PRR18: variants seen among roughly 807,000 people sequenced by gnomAD.
The protein encoded by PRR18 is proline rich 18.
For missense variants in PRR18, 517 were observed against 437.4 expected, an observed-to-expected ratio of 1.18 and a Z score of -1.62; for synonymous variants, 228 against 220.2, an observed-to-expected ratio of 1.04 and a Z score of -0.32.
In PRR18 at chr6:166,307,552, T is replaced by A; in HGVS notation, c.591A>T (p.Ala197=). The A allele has an allele frequency of 1.7e-6, 2 of 1,209,332 alleles. No individual in the cohort carries two copies. The highest frequency in any genetic ancestry group is 3.2e-4 in the Middle Eastern group (1 of 3,136). 74.9% of individuals were successfully genotyped at this position (1,209,332 alleles called of 1,614,324 possible). The change falls in exon 1 of 1, where the codon GCA becomes GCT. Residue 197 remains alanine (A), a synonymous_variant. Transcript: ENST00000322583. ...RRGGPASDPD[A]PPTAGQGRRA... is the part of the protein sequence containing the mutation. ...GGCGGCCCTGGCCGGCGGTGGGGGG[T>A]GCGTCGGGGTCGCTGGCGGGGCCGC...
chr6:166,306,777 C>A lies in PRR18; in HGVS notation c.*478G>T, dbSNP rs965208229. 6.4e-6 allele frequency: 1 copy of A among 156,200 alleles called. No individual in the cohort carries two copies. The highest frequency in any genetic ancestry group is 2.1e-4 in the South Asian group (1 of 4,870). The allele number at this position is 156,200 out of a possible 1,614,324, so 9.7% of individuals were successfully genotyped here. On this transcript the variant is annotated 3_prime_UTR_variant, in exon 1 of 1. Transcript: ENST00000322583. Reference sequence around the variant, plus strand: ...CGTCGCGGCCACCCACCTGGGCCATCGCCCACCGCACTGTCCAGGGTGCCC... The same window carrying A: ...CGTCGCGGCCACCCACCTGGGCCATAGCCCACCGCACTGTCCAGGGTGCCC...
Position 166,307,051 on chromosome 6 carries a change from G to C in PRR18, c.*204C>G. On this transcript the variant is annotated 3_prime_UTR_variant, in exon 1 of 1. Transcript: ENST00000322583. ...GTGAACGAGAAAGGCCCGGGCTGCC[G>C]GCTGGCGAGGGCAGGAGGGGGGCCG... 1 of 488,730 alleles carries C rather than the reference G, an allele frequency of 2.0e-6. No homozygotes were observed. The highest frequency in any genetic ancestry group is 3.4e-6 in the Non-Finnish European group (1 of 290,480). 30.3% of individuals were successfully genotyped at this position (488,730 alleles called of 1,614,324 possible).
Position 166,308,201 on chromosome 6 carries a change from T to G in PRR18, c.-59A>C. On this transcript the variant is annotated 5_prime_UTR_variant, in exon 1 of 1. Coordinates refer to ENST00000322583, the MANE Select transcript of PRR18 (RefSeq NM_175922.4). ...GAAAGAGAGGCGGGCGCTCAGCCAC[T>G]GTGCGCGGAGCGGGTCCCCGCAGTC... 8.2e-7 allele frequency: 1 copy of G among 1,224,380 alleles called. No homozygotes were observed. The highest frequency in any genetic ancestry group is 1.0e-6 in the Non-Finnish European group (1 of 981,216). The allele number at this position is 1,224,380 out of a possible 1,614,324, so 75.8% of individuals were successfully genotyped here. A position where few individuals can be genotyped will look rare whatever the true frequency, so the allele number is the denominator to read the frequency against.
rs555771783 is a variant in PRR18 at position 166,307,463 on chromosome 6, C to T, written c.680G>A (p.Arg227Gln). ...GAGCATCGGCCGCAGGGCCCCGGGC[C>T]GCGGGCTGAGCTGGGGAACCTGCAG... ...GGLQVPQLSP[R>Q]PGALRPMLKV... The change falls in exon 1 of 1, where the codon CGG (arginine) becomes CAG (glutamine). Residue 227 changes from arginine to glutamine, a missense_variant. Coordinates refer to ENST00000322583, the MANE Select transcript of PRR18 (RefSeq NM_175922.4). 8 of 1,524,176 alleles carry T rather than the reference C, an allele frequency of 5.2e-6. No homozygotes were observed. The highest frequency in any genetic ancestry group is 4.0e-5 in the Admixed American group (2 of 49,946). 94.4% of individuals were successfully genotyped at this position (1,524,176 alleles called of 1,614,324 possible). A position where few individuals can be genotyped will look rare whatever the true frequency, so the allele number is the denominator to read the frequency against.
Position 166,308,294 on chromosome 6 carries a change from C to A in PRR18, c.-152G>T. 1.4e-6 allele frequency: 1 copy of A among 736,700 alleles called. No homozygotes were observed. The highest frequency in any genetic ancestry group is 1.9e-6 in the Non-Finnish European group (1 of 536,800). The allele number at this position is 736,700 out of a possible 1,614,324, so 45.6% of individuals were successfully genotyped here. ...TCCGGCTTCCTCACATCCCAGCGACCAAACCCGGGGACTCAAAGAGAGGCG... is the reference window on the plus strand; with the variant it reads ...TCCGGCTTCCTCACATCCCAGCGACAAAACCCGGGGACTCAAAGAGAGGCG... On this transcript the variant is annotated 5_prime_UTR_variant, in exon 1 of 1. Coordinates refer to ENST00000322583, the MANE Select transcript of PRR18 (RefSeq NM_175922.4).
chr6:166,308,010 A>T lies in PRR18; in HGVS notation c.133T>A (p.Ser45Thr). ...RPPQRPEGLL[S>T]SSWPSATLKR... ...AGCGTGGCGGAGGGCCAGGAGCTGGAGAGGAGCCCCTCGGGCCGCTGTGGG... is the reference window on the plus strand; with the variant it reads ...AGCGTGGCGGAGGGCCAGGAGCTGGTGAGGAGCCCCTCGGGCCGCTGTGGG... The change falls in exon 1 of 1, where the codon TCC (serine) becomes ACC (threonine). Residue 45 changes from serine to threonine, a missense_variant. By Grantham distance (58) the Ser-to-Thr change is moderately conservative. Coordinates refer to ENST00000322583, the MANE Select transcript of PRR18 (RefSeq NM_175922.4). 1 of 1,239,146 alleles carries T rather than the reference A, an allele frequency of 8.1e-7. No homozygotes were observed. Among genetic ancestry groups the T allele is most frequent in the Non-Finnish European group, 1.0e-6 (1 of 984,794 alleles). The allele number at this position is 1,239,146 out of a possible 1,614,324, so 76.8% of individuals were successfully genotyped here.
At position 166,308,218 on chromosome 6, in the gene PRR18, C is replaced by G. The variant is rs112471128; in HGVS notation, c.-76G>C. On this transcript the variant is annotated 5_prime_UTR_variant, in exon 1 of 1. Transcript: ENST00000322583. ...TCAGCCACTGTGCGCGGAGCGGGTC[C>G]CCGCAGTCCGGGCGGCCCCTCCACA... is the stretch of plus-strand genomic sequence containing the variant. 150 of 1,215,830 alleles carry G rather than the reference C, an allele frequency of 1.2e-4. No individual in the cohort carries two copies. The highest frequency in any genetic ancestry group is 1.5e-4 in the Non-Finnish European group (143 of 973,644). The allele number at this position is 1,215,830 out of a possible 1,614,324, so 75.3% of individuals were successfully genotyped here.
Position 166,307,230 on chromosome 6 carries a change from G to A in PRR18, c.*25C>T, listed in dbSNP as rs1778109389. On this transcript the variant is annotated 3_prime_UTR_variant, in exon 1 of 1. Coordinates refer to ENST00000322583, the MANE Select transcript of PRR18 (RefSeq NM_175922.4). ...AGGAAGTGAGGTGGGATCAGGCCTG[G>A]CCTGTCCCCGCAGGCCCGCTGGGCT... The A allele has an allele frequency of 4.2e-6, 6 of 1,437,364 alleles. No homozygotes were observed. The highest frequency in any genetic ancestry group is 5.4e-6 in the Non-Finnish European group (6 of 1,105,960). The allele number at this position is 1,437,364 out of a possible 1,614,324, so 89.0% of individuals were successfully genotyped here.
chr6:166,307,192 G>T lies in PRR18; in HGVS notation c.*63C>A. On this transcript the variant is annotated 3_prime_UTR_variant, in exon 1 of 1. Coordinates refer to ENST00000322583, the MANE Select transcript of PRR18 (RefSeq NM_175922.4). ...GGTCTCCCCCGAGGGCCCCTAGGCG[G>T]AGTGGCGCGTGCAGGAAGTGAGGTG... is the stretch of plus-strand genomic sequence containing the variant. The T allele has an allele frequency of 7.5e-7, 1 of 1,337,374 alleles. No individual in the cohort carries two copies. Among genetic ancestry groups the T allele is most frequent in the South Asian group, 1.8e-5 (1 of 54,580 alleles). The allele number at this position is 1,337,374 out of a possible 1,614,324, so 82.8% of individuals were successfully genotyped here.
At position 166,308,203 on chromosome 6, in the gene PRR18, T is replaced by G; in HGVS notation, c.-61A>C. 1 of 1,222,770 alleles carries G rather than the reference T, an allele frequency of 8.2e-7. No homozygotes were observed. Among genetic ancestry groups the G allele is most frequent in the Non-Finnish European group, 1.0e-6 (1 of 979,706 alleles). 75.7% of individuals were successfully genotyped at this position (1,222,770 alleles called of 1,614,324 possible). On this transcript the variant is annotated 5_prime_UTR_variant, in exon 1 of 1. Coordinates refer to ENST00000322583, the MANE Select transcript of PRR18 (RefSeq NM_175922.4). Reference sequence around the variant, plus strand: ...AAGAGAGGCGGGCGCTCAGCCACTGTGCGCGGAGCGGGTCCCCGCAGTCCG... The same window carrying G: ...AAGAGAGGCGGGCGCTCAGCCACTGGGCGCGGAGCGGGTCCCCGCAGTCCG...
rs1420012848 is a variant in PRR18 at position 166,307,563 on chromosome 6, C to A, written c.580G>T (p.Asp194Tyr). The A allele has an allele frequency of 8.3e-7, 1 of 1,211,994 alleles. No individual in the cohort carries two copies. Among genetic ancestry groups the A allele is most frequent in the Admixed American group, 4.4e-5 (1 of 22,740 alleles). The allele number at this position is 1,211,994 out of a possible 1,614,324, so 75.1% of individuals were successfully genotyped here. Residue 194 changes from aspartate to tyrosine, a missense_variant, in exon 1 of 1, where the codon GAC (aspartate) becomes TAC (tyrosine). By Grantham distance (160) the Asp-to-Tyr change is radical. Coordinates refer to ENST00000322583, the MANE Select transcript of PRR18 (RefSeq NM_175922.4). ...AGPRRGGPAS[D>Y]PDAPPTAGQG... Reference sequence around the variant, plus strand: ...CCGGCGGTGGGGGGTGCGTCGGGGTCGCTGGCGGGGCCGCCCCTCCGCGGG... The same window carrying A: ...CCGGCGGTGGGGGGTGCGTCGGGGTAGCTGGCGGGGCCGCCCCTCCGCGGG...
rs928379827 is a variant in PRR18, at chr6:166,308,006, C to T, written c.137G>A (p.Ser46Asn). 10 of 1,239,260 alleles carry T rather than the reference C, an allele frequency of 8.1e-6. No individual in the cohort carries two copies. The African/African-American group carries it at 1.6e-4, about 19-fold the overall frequency. 76.8% of individuals were successfully genotyped at this position (1,239,260 alleles called of 1,614,324 possible). Residue 46 changes from serine (S) to asparagine (N), a missense_variant, in exon 1 of 1, where the codon AGC (serine) becomes AAC (asparagine). By Grantham distance (46) the Ser-to-Asn change is conservative. Coordinates refer to ENST00000322583, the MANE Select transcript of PRR18 (RefSeq NM_175922.4). Reference sequence around the variant, plus strand: ...CTTGAGCGTGGCGGAGGGCCAGGAGCTGGAGAGGAGCCCCTCGGGCCGCTG... The same window carrying T: ...CTTGAGCGTGGCGGAGGGCCAGGAGTTGGAGAGGAGCCCCTCGGGCCGCTG... ...PPQRPEGLLSSSWPSATLKRP... is the reference protein window; with the variant it reads ...PPQRPEGLLSNSWPSATLKRP...
Position 166,307,199 on chromosome 6 carries a change from G to C in PRR18, c.*56C>G, listed in dbSNP as rs564242411. The stretch of plus-strand genomic sequence containing the variant: ...CCCGAGGGCCCCTAGGCGGAGTGGC[G>C]CGTGCAGGAAGTGAGGTGGGATCAG... On this transcript the variant is annotated 3_prime_UTR_variant, in exon 1 of 1. Coordinates refer to ENST00000322583, the MANE Select transcript of PRR18 (RefSeq NM_175922.4). The C allele has an allele frequency of 2.4e-5, 32 of 1,345,930 alleles. No individual in the cohort carries two copies. In the East Asian group the frequency reaches 6.6e-4, roughly 28 times the overall value. The allele number at this position is 1,345,930 out of a possible 1,614,324, so 83.4% of individuals were successfully genotyped here.
rs1182141023 is a variant in PRR18 at position 166,307,879 on chromosome 6, G to A, written c.264C>T (p.Ala88=). 5 of 1,240,706 alleles carry A rather than the reference G, an allele frequency of 4.0e-6. No individual in the cohort carries two copies. The highest frequency in any genetic ancestry group is 5.0e-6 in the Non-Finnish European group (5 of 993,050). The allele number at this position is 1,240,706 out of a possible 1,614,324, so 76.9% of individuals were successfully genotyped here. A position where few individuals can be genotyped will look rare whatever the true frequency, so the allele number is the denominator to read the frequency against. The part of the protein sequence containing the change: ...QALPSRARAP[A]TCAPPRPAGS... ...CTGCCGGCCGGGGCGGGGCGCACGT[G>A]GCTGGGGCCCGCGCGCGGCTGGGCA... The change falls in exon 1 of 1, where the codon GCC becomes GCT. Residue 88 remains alanine, a synonymous_variant. Coordinates refer to ENST00000322583, the MANE Select transcript of PRR18 (RefSeq NM_175922.4).
rs761083463 is a variant in PRR18, at chr6:166,307,282, G to A, written c.861C>T (p.Asp287=). ...AAARGRAGAL[D]SRRHLSTL is the part of the protein sequence containing the mutation. Reference sequence around the variant, plus strand: ...ACAGCGTGCTCAGGTGCCGCCGTGAGTCCAGGGCCCCCGCCCGGCCCCGCG... The same window carrying A: ...ACAGCGTGCTCAGGTGCCGCCGTGAATCCAGGGCCCCCGCCCGGCCCCGCG... The change falls in exon 1 of 1, where the codon GAC becomes GAT. Residue 287 remains aspartate (D), a synonymous_variant. Transcript: ENST00000322583. The A allele has an allele frequency of 2.0e-6, 3 of 1,520,186 alleles. No individual in the cohort carries two copies. The allele number at this position is 1,520,186 out of a possible 1,614,324, so 94.2% of individuals were successfully genotyped here. A position where few individuals can be genotyped will look rare whatever the true frequency, so the allele number is the denominator to read the frequency against.
At position 166,307,694 on chromosome 6, in the gene PRR18, C is replaced by G; in HGVS notation, c.449G>C (p.Arg150Pro). The change falls in exon 1 of 1, where the codon CGT becomes CCT. Residue 150 changes from arginine (R) to proline (P), a missense_variant. Coordinates refer to ENST00000322583, the MANE Select transcript of PRR18 (RefSeq NM_175922.4). The stretch of plus-strand genomic sequence containing the variant: ...CGCCAGCAGCTGCTTCTCCAGATGA[C>G]GCTTCTGGATGACCAGGACGGCCTC... ...TPEAVLVIQK[R>P]HLEKQLLARP... The G allele has an allele frequency of 6.6e-7, 1 of 1,519,846 alleles. No homozygotes were observed. The highest frequency in any genetic ancestry group is 1.8e-4 in the Middle Eastern group (1 of 5,696). 94.1% of individuals were successfully genotyped at this position (1,519,846 alleles called of 1,614,324 possible). A position where few individuals can be genotyped will look rare whatever the true frequency, so the allele number is the denominator to read the frequency against.
At position 166,307,803 on chromosome 6, in the gene PRR18, TC is replaced by T; in HGVS notation, c.339del (p.Thr114ArgfsTer24). On this transcript the variant is annotated frameshift_variant, in exon 1 of 1. Coordinates refer to ENST00000322583, the MANE Select transcript of PRR18 (RefSeq NM_175922.4). LOFTEE classifies it low-confidence loss of function (END_TRUNC). Reference protein sequence around the residue: ...ARTTYAATSAGTGTTAAGTSS... With the variant: ...ARTTYAATSAXTGTTAAGTSS... ...GAGGTGCCCGCGGCGGTGGTCCCCG[TC>T]CCCGCCGAGGTCGCCGCATAGGTGG... The T allele has an allele frequency of 1.4e-6, 2 of 1,418,558 alleles. No homozygotes were observed. The allele number at this position is 1,418,558 out of a possible 1,614,324, so 87.9% of individuals were successfully genotyped here.
Position 166,307,882 on chromosome 6 carries a change from TG to T in PRR18, c.260del (p.Pro87GlnfsTer51). The T allele has an allele frequency of 8.1e-7, 1 of 1,237,946 alleles. No homozygotes were observed. The highest frequency in any genetic ancestry group is 1.0e-6 in the Non-Finnish European group (1 of 991,760). The allele number at this position is 1,237,946 out of a possible 1,614,324, so 76.7% of individuals were successfully genotyped here. A position where few individuals can be genotyped will look rare whatever the true frequency, so the allele number is the denominator to read the frequency against. ...PQALPSRARAPATCAPPRPAG... is the reference protein window; with the variant it reads ...PQALPSRARAXATCAPPRPAG... ...CCGGCCGGGGCGGGGCGCACGTGGC[TG>T]GGGCCCGCGCGCGGCTGGGCAAGGC... On this transcript the variant is annotated frameshift_variant, in exon 1 of 1. Transcript: ENST00000322583. LOFTEE classifies it low-confidence loss of function (END_TRUNC).
rs763925761 is a variant in PRR18 at position 166,307,643 on chromosome 6, G to A, written c.500C>T (p.Pro167Leu). Residue 167 changes from proline to leucine, a missense_variant, in exon 1 of 1, where the codon CCC (proline) becomes CTC (leucine). Pro to Leu is a moderately conservative substitution (Grantham distance 98). Coordinates refer to ENST00000322583, the MANE Select transcript of PRR18 (RefSeq NM_175922.4). ...GAGTAGGCGCCTGGGTTCGGCCGAG[G>A]GTGAGGGGAAGGGCCTGCGGGGCCG... ...LARPRRPFPSPSAEPRRLLAP... is the reference protein window; with the variant it reads ...LARPRRPFPSLSAEPRRLLAP... 2.1e-6 allele frequency: 3 copies of A among 1,436,930 alleles called. No homozygotes were observed. The highest frequency in any genetic ancestry group is 1.8e-6 in the Non-Finnish European group (2 of 1,086,852). The allele number at this position is 1,436,930 out of a possible 1,614,324, so 89.0% of individuals were successfully genotyped here. A position where few individuals can be genotyped will look rare whatever the true frequency, so the allele number is the denominator to read the frequency against.
Sources: gnomAD v4.1 joint callset for allele counts on GRCh38, gnomAD v4.1.1 for gene constraint, MANE v1.5 for transcripts, NCBI Gene and HGNC (gene_info 2026-07-23, HGNC 2026-07-21) for gene names.